The following WWC2 variants were observed in gnomAD, a reference collection of about 807,000 sequenced individuals.
WWC2 encodes the protein WW and C2 domain containing 2.
WWC2 carries 101 observed loss-of-function variants against 138.5 expected under a neutral mutation model. The observed-to-expected ratio is 0.73, with a 90% CI of 0.62 to 0.86. WWC2 has a LOEUF of 0.86. Among genes scored for constraint, WWC2 ranks in the 40% least tolerant of loss-of-function variants. The pLI is 0.00. For missense variants in WWC2, 1,420 were observed against 1,419.4 expected (o/e 1.00, Z -0.01); for synonymous variants, 558 against 538.4 (o/e 1.04, Z -0.50).
At position 183,244,158 on chromosome 4, in the gene WWC2, G is replaced by A. The variant is rs929536738; in HGVS notation, c.603-1258G>A. On this transcript the variant is annotated intron_variant, in intron 5 of 22. Transcript: ENST00000403733. The stretch of plus-strand genomic sequence containing the variant: ...AAACCAAAAATATGTCTAAGAACGT[G>A]TATAGAGTTGTTGGGTGGGGCAGAG... 2.6e-5 allele frequency among the ~76,000 whole-genome samples: 4 copies of A among 152,282 alleles called. No individual in the cohort carries two copies. In the East Asian group the frequency reaches 7.7e-4, roughly 29 times the overall value.
At chr4:183,164,318 TACA>T (rs1442751762) in intron 1 of WWC2, among the ~76,000 whole-genome samples, 1 of 1,896 alleles carries the variant, frequency 5.3e-4, no homozygotes, top group South Asian at 0.05. Context: ...ATATTATATA[TACA>T]TATATATATA....
chr4:183,250,420 G>T (rs539456323), intron 8 of WWC2, among the ~76,000 whole-genome samples: 1 of 152,284 alleles, frequency 6.6e-6, no homozygotes, highest in South Asian at 2.1e-4. Flanking sequence ...TTGAAGGGAA[G>T]TCTTACTGCT....
chr4:183,140,885 A>G (rs1347299356), intron 1 of WWC2, among the ~76,000 whole-genome samples: 1 of 148,326 alleles, frequency 6.7e-6, no homozygotes, highest in East Asian at 1.9e-4. Context: ...ATTTCCACCA[A>G]TCTGCTTAAT....
chr4:183,212,266 C>A (rs377621363), intron 4 of WWC2, among the ~76,000 whole-genome samples: 3 of 152,206 alleles, frequency 2.0e-5, no homozygotes, highest in African/African-American at 7.2e-5. Context: ...TGGAAGCAAA[C>A]CTCTTTAGTT....
chr4:183,308,685 C>T (rs1310562469), intron 21 of WWC2, among the ~76,000 whole-genome samples: 1 of 152,098 alleles, frequency 6.6e-6, no homozygotes, highest in African/African-American at 2.4e-5. Context: ...CTCCCATACA[C>T]TTTAAATCAT....
chr4:183,283,141 T>G (rs1738136934), intron 18 of WWC2, among the ~76,000 whole-genome samples: 1 of 151,584 alleles, frequency 6.6e-6, no homozygotes, highest in Admixed American at 6.6e-5. Context: ...AGAAGAGAAA[T>G]AGTGCTAGTT....
At chr4:183,130,329 C>T (rs868543031) in intron 1 of WWC2, among the ~76,000 whole-genome samples, 4 of 152,138 alleles carry the variant, frequency 2.6e-5, no homozygotes, top group Admixed American at 2.0e-4. Context: ...GGATTACAGG[C>T]GTGAGCCAGC....
chr4:183,134,859 A>G (rs1033193777), intron 1 of WWC2, among the ~76,000 whole-genome samples: 2 of 151,032 alleles, frequency 1.3e-5, no homozygotes, highest in Non-Finnish European at 3.0e-5. Flanking sequence ...TAATTTCCTT[A>G]TTTTCCTTGT....
chr4:183,198,217 G>T (rs539804019), intron 2 of WWC2, among the ~76,000 whole-genome samples: 1 of 152,010 alleles, frequency 6.6e-6, no homozygotes, highest in East Asian at 1.9e-4. Flanking sequence ...ACAAACAAAC[G>T]AAAAGTAATG....
rs930095967 is a variant in WWC2 at position 183,142,042 on chromosome 4, A to G, written c.131+42420A>G. 2.0e-5 allele frequency among the ~76,000 whole-genome samples: 3 copies of G among 152,248 alleles called. No homozygotes were observed. The East Asian group carries it at 5.8e-4, about 29-fold the overall frequency. ...ACACAGAAAGCTATGGTAATTGTTG[A>G]GGAAAGCAGTTTGGTGGGTTGGAGT... On this transcript the variant is annotated intron_variant, in intron 1 of 22. Coordinates refer to ENST00000403733, the MANE Select transcript of WWC2 (RefSeq NM_024949.6).
intron 1 of WWC2, among the ~76,000 whole-genome samples, chr4:183,150,760 A>C (rs750851908): frequency 6.6e-6 from 1 of 151,908 alleles, no homozygotes; most frequent in African/African-American, 2.4e-5. Context: ...ATTCCCACCT[A>C]TGAGTGAGAA....
At chr4:183,182,088 A>G (rs564649370) in intron 1 of WWC2, among the ~76,000 whole-genome samples, 1 of 152,196 alleles carries the variant, frequency 6.6e-6, no homozygotes, top group East Asian at 1.9e-4. Context: ...AACACATCAC[A>G]TTGTTAACTG....
chr4:183,117,858 T>C (rs1332944359), intron 1 of WWC2, among the ~76,000 whole-genome samples: 1 of 151,434 alleles, frequency 6.6e-6, no homozygotes, highest in African/African-American at 2.4e-5. Context: ...TGGAATGCAA[T>C]GGTGCGATCT....
rs146800108 is a variant in WWC2 at position 183,139,585 on chromosome 4, A to G, written c.131+39963A>G. On this transcript the variant is annotated intron_variant, in intron 1 of 22. Coordinates refer to ENST00000403733, the MANE Select transcript of WWC2 (RefSeq NM_024949.6). Reference sequence around the variant, plus strand: ...AGGTCCATGAGCAACCACAAAGAACAGAGCCCACTCTTGACAGATGATGAA... The same window carrying G: ...AGGTCCATGAGCAACCACAAAGAACGGAGCCCACTCTTGACAGATGATGAA... Among the ~76,000 whole-genome samples the G allele has an allele frequency of 1.3e-3, 192 of 152,322 alleles. 1 individual carries two copies. The highest frequency in any genetic ancestry group is 4.5e-3 in the African/African-American group (187 of 41,580).
chr4:183,269,305 T>C (rs1737621283), intron 15 of WWC2, 142 bp downstream of exon 15: 3 of 834,886 alleles, frequency 3.6e-6, no homozygotes, highest in Non-Finnish European at 5.8e-6. Context: ...TGTTTGTTCA[T>C]TTTTTTCTGA....
intron 1 of WWC2, among the ~76,000 whole-genome samples, chr4:183,134,255 T>A (rs1007809228): frequency 3.9e-5 from 6 of 152,096 alleles, no homozygotes; most frequent in Non-Finnish European, 7.4e-5. Context: ...TAGTTTGCAT[T>A]CTGTTTCATT....
At position 183,100,087 on chromosome 4, in the gene WWC2, C is replaced by G. The variant is rs111862979; in HGVS notation, c.131+465C>G. Among the ~76,000 whole-genome samples, 835 of 152,322 alleles carry G rather than the reference C, an allele frequency of 5.5e-3. 1 individual carries two copies. Among genetic ancestry groups the G allele is most frequent in the Non-Finnish European group, 6.7e-3 (459 of 68,014 alleles). ...GGCGCGGGAGCCTGGGCTGCGAGCT[C>G]TTGGCGGGGGCGCCCAGACTGGCCG... On this transcript the variant is annotated intron_variant, in intron 1 of 22. Coordinates refer to ENST00000403733, the MANE Select transcript of WWC2 (RefSeq NM_024949.6).
At chr4:183,274,278 TG>T (rs551694268) in intron 16 of WWC2, among the ~76,000 whole-genome samples, 115 of 152,292 alleles carry the variant, frequency 7.6e-4, no homozygotes, top group African/African-American at 2.6e-3. Flanking sequence ...AAGATTTTCA[TG>T]GGGGTAGAAT....
At chr4:183,145,356 T>C (rs930895931) in intron 1 of WWC2, among the ~76,000 whole-genome samples, 1 of 152,208 alleles carries the variant, frequency 6.6e-6, no homozygotes, top group Non-Finnish European at 1.5e-5. Context: ...TTTTTTATTG[T>C]TAAAAAGATG....
Sources: allele counts gnomAD v4.1 joint callset (sites outside exome capture counted in the v4.1 genomes callset), GRCh38; gene constraint gnomAD v4.1.1; transcripts MANE v1.5; gene names NCBI Gene and HGNC (gene_info 2026-07-23, HGNC 2026-07-21).